Variants in FKBP1A observed in about 807,000 individuals in gnomAD.
FKBP1A encodes FKBP prolyl isomerase 1A, also known as peptidyl-prolyl cis-trans isomerase FKBP1A.
In FKBP1A, 5 loss-of-function variants were observed where a neutral mutation model predicts 14.2. The observed-to-expected ratio is 0.35, with a 90% CI of 0.18 to 0.74. The LOEUF (loss-of-function observed/expected upper bound fraction) is 0.74, where lower values mean the gene tolerates loss of function less well. Among genes scored for constraint, FKBP1A ranks in the 30% least tolerant of loss-of-function variants. The probability of loss-of-function intolerance (pLI) is 0.56; values close to 1 mark genes in which losing one functional copy is unlikely to be tolerated. For missense variants in FKBP1A, 53 were observed against 138.8 expected, an observed-to-expected ratio of 0.38 and a Z score of 3.10; for synonymous variants, 42 against 49.1, an observed-to-expected ratio of 0.86 and a Z score of 0.60.
At chr20:1,383,276 C>G (rs557641156) in intron 2 of FKBP1A, among the ~76,000 whole-genome samples, 1 of 151,962 alleles carries the variant, frequency 6.6e-6, no homozygotes, top group South Asian at 2.1e-4. Flanking sequence ...TTTATAGTTG[C>G]TCATGAATCT....
intron 2 of FKBP1A, 128 bp downstream of exon 2, chr20:1,392,706 G>A: frequency 5.2e-6 from 3 of 575,212 alleles, no homozygotes; most frequent in Non-Finnish European, 7.7e-6. Context: ...CCTCAGCCTC[G>A]GGCCATGCGG....
intron 2 of FKBP1A, among the ~76,000 whole-genome samples, chr20:1,376,451 T>C (rs980004405): frequency 6.6e-6 from 1 of 152,230 alleles, no homozygotes; most frequent in African/African-American, 2.4e-5. Flanking sequence ...TAATACTTTG[T>C]AACAGAGATG....
intron 2 of FKBP1A, among the ~76,000 whole-genome samples, chr20:1,388,395 G>A (rs963492219): frequency 9.2e-5 from 14 of 152,208 alleles, no homozygotes; most frequent in African/African-American, 3.1e-4. Flanking sequence ...CGATGAGTGA[G>A]GCTCAATGGA....
Position 1,372,077 on chromosome 20 carries a change from C to A in FKBP1A, c.*35G>T. On this transcript the variant is annotated splice_region_variant and 3_prime_UTR_variant, in exon 4 of 5. Coordinates refer to ENST00000400137, the MANE Select transcript of FKBP1A (RefSeq NM_000801.5). ...CCCTTCAGTATTCCATTTCCTTACC[C>A]AAGAACAGGGAGCTAAGGGAGGAGG... 1 of 1,611,812 alleles carries A rather than the reference C, an allele frequency of 6.2e-7. No homozygotes were observed. The highest frequency in any genetic ancestry group is 1.7e-4 in the Middle Eastern group (1 of 5,942).
At chr20:1,381,706 C>T (rs1250334194) in intron 2 of FKBP1A, among the ~76,000 whole-genome samples, 2 of 152,292 alleles carry the variant, frequency 1.3e-5, no homozygotes, top group East Asian at 3.9e-4. Context: ...TTGGTAAATA[C>T]ATGTTTCTAT....
chr20:1,391,933 C>A (rs927935247), intron 2 of FKBP1A, among the ~76,000 whole-genome samples: 1 of 152,170 alleles, frequency 6.6e-6, no homozygotes, highest in Non-Finnish European at 1.5e-5. Flanking sequence ...CTCCCCCTCC[C>A]CCGCCCCCAT....
At chr20:1,372,685 A>G (rs2089483892) in intron 3 of FKBP1A, among the ~76,000 whole-genome samples, 1 of 152,250 alleles carries the variant, frequency 6.6e-6, no homozygotes, top group East Asian at 1.9e-4. Flanking sequence ...ACTTGAGGGT[A>G]GTCTATTTTT....
At chr20:1,375,196 ACTC>A (rs956232043) in intron 3 of FKBP1A, 1 of 541,002 alleles carries the variant, frequency 1.8e-6, no homozygotes, top group African/African-American at 1.9e-5. Flanking sequence ...CGCCCAGCCT[ACTC>A]CTCTTTTATG....
At chr20:1,371,174 A>C (rs908857601) in intron 4 of FKBP1A, 5 of 985,336 alleles carry the variant, frequency 5.1e-6, no homozygotes, top group African/African-American at 3.5e-5. Context: ...GCAAATAAAA[A>C]GGTCTGGGGC....
At chr20:1,375,401 T>G in intron 3 of FKBP1A, 90 bp downstream of exon 3, 1 of 924,900 alleles carries the variant, frequency 1.1e-6, no homozygotes, top group Non-Finnish European at 1.7e-6. Flanking sequence ...TTTCACTTTT[T>G]TTATTTTTGA....
In FKBP1A at chr20:1,392,925, GCAGAGGT is replaced by G. The variant is rs777948425; in HGVS notation, c.37+30_37+36del. 159 of 1,332,652 alleles carry G rather than the reference GCAGAGGT, an allele frequency of 1.2e-4. 1 individual carries two copies. Among genetic ancestry groups the G allele is most frequent in the Middle Eastern group, 5.5e-4 (2 of 3,632 alleles). The allele number at this position is 1,332,652 out of a possible 1,614,324, so 82.6% of individuals were successfully genotyped here. Reference sequence around the variant, plus strand: ...GCATGCTGAGCCGATGCGCGCGGCGGCAGAGGTACTCCGAGCCGCCGCGCGCCACTAC... The same window carrying G: ...GCATGCTGAGCCGATGCGCGCGGCGGACTCCGAGCCGCCGCGCGCCACTAC... On this transcript the variant is annotated intron_variant, in intron 1 of 4. Coordinates refer to ENST00000400137, the MANE Select transcript of FKBP1A (RefSeq NM_000801.5).
At position 1,375,430 on chromosome 20, in the gene FKBP1A, C is replaced by T. The variant is rs2089527611; in HGVS notation, c.198+61G>A. 8 of 1,226,092 alleles carry T rather than the reference C, an allele frequency of 6.5e-6. No individual in the cohort carries two copies. In the East Asian group the frequency reaches 1.9e-4, roughly 29 times the overall value. 76.0% of individuals were successfully genotyped at this position (1,226,092 alleles called of 1,614,324 possible). On this transcript the variant is annotated intron_variant, in intron 3 of 4. Transcript: ENST00000400137. ...TTTTTGAACCGTATAAATATGCCAC[C>T]TATAAAAAAATATAAAAGGTAAATA...
chr20:1,375,480 A>G lies in FKBP1A; in HGVS notation c.198+11T>C. 4 of 1,587,616 alleles carry G rather than the reference A, an allele frequency of 2.5e-6. No individual in the cohort carries two copies. The highest frequency in any genetic ancestry group is 3.5e-6 in the Non-Finnish European group (4 of 1,155,896). On this transcript the variant is annotated intron_variant, in intron 3 of 4. Transcript: ENST00000400137. ...ACTAGAAAGCAAAACAAAACAAATG[A>G]GAGAGCATACCTGGGCAACCCCTTC...
rs1474203277 is a variant in FKBP1A, at chr20:1,386,396, A to G, written c.85+6438T>C. ...GTCCTAACTGGCCACTCATTCAAAC[A>G]GTCACTGAATAGCTACTCTATGCCA... On this transcript the variant is annotated intron_variant, in intron 2 of 4. Transcript: ENST00000400137. The surrounding 1 kb of genome is among the most constrained non-coding windows in gnomAD (Gnocchi z 4.7). Among the ~76,000 whole-genome samples the G allele has an allele frequency of 2.0e-5, 3 of 152,226 alleles. No homozygotes were observed.
intron 4 of FKBP1A, chr20:1,370,766 TG>T: frequency 1.0e-6 from 1 of 985,418 alleles, no homozygotes; most frequent in Non-Finnish European, 1.2e-6. Context: ...ACAGAAAGCC[TG>T]TTCCCAACCA....
At chr20:1,376,573 T>C (rs1427370963) in intron 2 of FKBP1A, among the ~76,000 whole-genome samples, 1 of 152,206 alleles carries the variant, frequency 6.6e-6, no homozygotes, top group Non-Finnish European at 1.5e-5. Flanking sequence ...CACTCTGAGT[T>C]ACTCTAAATG....
rs558824304 is a variant in FKBP1A, at chr20:1,379,061, A to T, written c.86-3458T>A. Among the ~76,000 whole-genome samples the T allele has an allele frequency of 1.3e-5, 2 of 152,330 alleles. No homozygotes were observed. Among genetic ancestry groups the T allele is most frequent in the Non-Finnish European group, 2.9e-5 (2 of 68,034 alleles). On this transcript the variant is annotated intron_variant, in intron 2 of 4. Transcript: ENST00000400137. The surrounding 1 kb of genome is among the most constrained non-coding windows in gnomAD (Gnocchi z 4.3). ...TTTCATGATGCATTAATGGTTCATA[A>T]CCCACAATTTGGAAAGTACGGTATA... is the stretch of plus-strand genomic sequence containing the variant.
rs2089587784 is a variant in FKBP1A, at chr20:1,379,023, C to T, written c.86-3420G>A. On this transcript the variant is annotated intron_variant, in intron 2 of 4. Coordinates refer to ENST00000400137, the MANE Select transcript of FKBP1A (RefSeq NM_000801.5). The surrounding 1 kb of genome is among the most constrained non-coding windows in gnomAD (Gnocchi z 4.3). ...TTTTTAAAAAGAATGCTGATTGTGA[C>T]CCACTACATTTATTTCATGATGCAT... is the stretch of plus-strand genomic sequence containing the variant. Among the ~76,000 whole-genome samples the T allele has an allele frequency of 2.6e-5, 4 of 152,134 alleles. No individual in the cohort carries two copies. The highest frequency in any genetic ancestry group is 2.6e-4 in the Admixed American group (4 of 15,280).
Position 1,369,891 on chromosome 20 carries a change from T to C in FKBP1A, c.*218A>G, listed in dbSNP as rs2122646999. ...AACTTGAGGTTTATGGCATATAGTTTAGGTAAACACACATACGAGGAGAAA... is the reference window on the plus strand; with the variant it reads ...AACTTGAGGTTTATGGCATATAGTTCAGGTAAACACACATACGAGGAGAAA... On this transcript the variant is annotated 3_prime_UTR_variant, in exon 5 of 5. Coordinates refer to ENST00000400137, the MANE Select transcript of FKBP1A (RefSeq NM_000801.5). 1.2e-6 allele frequency: 1 copy of C among 848,138 alleles called. No homozygotes were observed. Among genetic ancestry groups the C allele is most frequent in the Non-Finnish European group, 1.8e-6 (1 of 562,570 alleles). The allele number at this position is 848,138 out of a possible 1,614,324, so 52.5% of individuals were successfully genotyped here.
Sources: allele counts gnomAD v4.1 joint callset (sites outside exome capture counted in the v4.1 genomes callset), GRCh38; gene constraint gnomAD v4.1.1; non-coding constraint Gnocchi (gnomAD v3.1); transcripts MANE v1.5; gene names NCBI Gene and HGNC (gene_info 2026-07-23, HGNC 2026-07-21).